Variants in DNAH8 observed in about 807,000 individuals in gnomAD.
DNAH8 encodes the protein axonemal beta dynein heavy chain 8.
A neutral mutation model predicts 562.1 loss-of-function variants in DNAH8; 382 were observed. The observed-to-expected ratio is 0.68, with a 90% CI of 0.63 to 0.74. DNAH8 has a LOEUF of 0.74. Ranked by LOEUF, DNAH8 falls within the 30% of genes least tolerant of loss-of-function variation. The pLI is 0.00. For synonymous variants in DNAH8, 1,881 were observed against 1,919.4 expected (o/e 0.98, Z 0.52); for missense variants, 5,203 against 5,620.4 (o/e 0.93, Z 2.37).
At chr6:39,029,945 C>T (rs1583597868) in intron 92 of DNAH8, among the ~76,000 whole-genome samples, 160 bp from the exon 93 acceptor site, 1 of 152,292 alleles carries the variant, frequency 6.6e-6, no homozygotes. Context: ...AAACTGGGCT[C>T]AGTATTTCAC....
At chr6:38,930,147 G>A (rs982355752) in intron 75 of DNAH8, among the ~76,000 whole-genome samples, 3 of 152,062 alleles carry the variant, frequency 2.0e-5, no homozygotes, top group African/African-American at 7.2e-5. Context: ...ATTTAATAAA[G>A]TCATTTTAAT....
At chr6:38,846,379 T>C (rs1315321933) in intron 36 of DNAH8, among the ~76,000 whole-genome samples, 2 of 152,172 alleles carry the variant, frequency 1.3e-5, no homozygotes, top group African/African-American at 4.8e-5. Flanking sequence ...GATTAAATAT[T>C]CTGTCAGGTC....
At position 38,822,975 on chromosome 6, in the gene DNAH8, C is replaced by T. The variant is rs760729826; in HGVS notation, c.3661C>T (p.Leu1221=). ...CCTAAGAAAGGCAGCTCATGAGGCC[C>T]TGCAGGACTTTCAGAAGTACAAGAC... ...NSLRKAAHEA[L]QDFQKYKTLW... The change falls in exon 27 of 93, where the codon CTG becomes TTG. Residue 1221 remains leucine, a synonymous_variant. Transcript: ENST00000327475. 6.2e-7 allele frequency: 1 copy of T among 1,612,528 alleles called. No individual in the cohort carries two copies. Among genetic ancestry groups the T allele is most frequent in the Non-Finnish European group, 8.5e-7 (1 of 1,179,500 alleles).
chr6:38,864,023 T>C lies in DNAH8; in HGVS notation c.6461T>C (p.Val2154Ala), dbSNP rs1455906180. The C allele has an allele frequency of 6.2e-7, 1 of 1,608,208 alleles. No individual in the cohort carries two copies. The highest frequency in any genetic ancestry group is 8.5e-7 in the Non-Finnish European group (1 of 1,178,806). The part of the protein sequence containing the change: ...KQFIFSDGDC[V>A]DLNPEFGIFL... The stretch of plus-strand genomic sequence containing the variant: ...TTCATTTTTTCTGATGGTGATTGTG[T>C]TGATTTAAATCCAGAATTTGGAATC... The change falls in exon 45 of 93, where the codon GTT (valine) becomes GCT (alanine). Residue 2154 changes from valine to alanine, a missense_variant. By Grantham distance (64) the Val-to-Ala change is moderately conservative (BLOSUM62 0). Transcript: ENST00000327475.
chr6:38,784,919 T>G (rs557671106), intron 17 of DNAH8, among the ~76,000 whole-genome samples: 1 of 152,312 alleles, frequency 6.6e-6, no homozygotes, highest in Non-Finnish European at 1.5e-5. Context: ...TCTTAAAATA[T>G]TTTAAAAATG....
chr6:38,984,227 C>T lies in DNAH8; in HGVS notation c.12973C>T (p.Arg4325Trp), dbSNP rs201329381. 3.6e-5 allele frequency: 57 copies of T among 1,596,426 alleles called. No individual in the cohort carries two copies. The highest frequency in any genetic ancestry group is 2.8e-4 in the Admixed American group (17 of 59,858). Residue 4325 changes from arginine (R) to tryptophan (W), a missense_variant, in exon 87 of 93, where the codon CGG becomes TGG. Arg to Trp is a moderately radical substitution (Grantham distance 101, BLOSUM62 -3). This residue lies in a region of DNAH8 where 1,399 missense variants were observed against 1,518.4 expected (regional missense o/e 0.92). Coordinates refer to ENST00000327475, the MANE Select transcript of DNAH8 (RefSeq NM_001206927.2). ...IKKGVSWNTV[R>W]YMIGEVQYGG... ...AAAGGGTGTATCATGGAATACGGTT[C>T]GGTACATGATCGGAGAAGTACAATA... is the stretch of plus-strand genomic sequence containing the variant.
At position 38,823,157 on chromosome 6, in the gene DNAH8, A is replaced by G; in HGVS notation, c.3720+123A>G. ...GAGCAGAGGCCAAGAATCTATAAAT[A>G]CCAAGCACCTGTCACCTTCTAGCTG... On this transcript the variant is annotated intron_variant, in intron 27 of 92. Transcript: ENST00000327475. 5 of 784,352 alleles carry G rather than the reference A, an allele frequency of 6.4e-6. No homozygotes were observed. In the South Asian group the frequency reaches 1.2e-4, roughly 20 times the overall value. 48.6% of individuals were successfully genotyped at this position (784,352 alleles called of 1,614,324 possible). A position where few individuals can be genotyped will look rare whatever the true frequency, so the allele number is the denominator to read the frequency against.
chr6:38,806,522 T>A (rs925645886), intron 23 of DNAH8, among the ~76,000 whole-genome samples: 1 of 152,114 alleles, frequency 6.6e-6, no homozygotes, highest in Non-Finnish European at 1.5e-5. Context: ...CTGGCTGAAG[T>A]CCTTAGAGCA....
At chr6:38,821,906 G>A (rs1239676867) in intron 26 of DNAH8, among the ~76,000 whole-genome samples, 5 of 152,170 alleles carry the variant, frequency 3.3e-5, no homozygotes, top group African/African-American at 1.2e-4. Flanking sequence ...TTTCAAGTTA[G>A]CCCTCATTAT....
chr6:38,787,393 T>G (rs569241742), intron 18 of DNAH8, among the ~76,000 whole-genome samples: 1 of 151,940 alleles, frequency 6.6e-6, no homozygotes, highest in South Asian at 2.1e-4. Flanking sequence ...TGCGGCAAAG[T>G]AAAATCTAAC....
At position 38,863,964 on chromosome 6, in the gene DNAH8, T is replaced by C; in HGVS notation, c.6402T>C (p.Ile2134=). The change falls in exon 45 of 93, where the codon ATT becomes ATC. Residue 2134 remains isoleucine, a synonymous_variant. Coordinates refer to ENST00000327475, the MANE Select transcript of DNAH8 (RefSeq NM_001206927.2). The stretch of plus-strand genomic sequence containing the variant: ...CAGTGGCAGCACAACAAATTTATAT[T>C]GTTTTGACAGCAAGAAAAGAAAGAA... ...VLSVAAQQIY[I]VLTARKERKK... is the part of the protein sequence containing the mutation. The C allele has an allele frequency of 3.7e-6, 6 of 1,613,018 alleles. No individual in the cohort carries two copies. Among genetic ancestry groups the C allele is most frequent in the Non-Finnish European group, 5.1e-6 (6 of 1,179,796 alleles).
intron 88 of DNAH8, among the ~76,000 whole-genome samples, chr6:39,004,507 G>C (rs35703191): frequency 0.13 from 20,232 of 152,114 alleles, 1,614 homozygotes; most frequent in East Asian, 0.35. Context: ...TTCTATTTTT[G>C]TATGAAAATG....
chr6:38,926,234 A>G (rs778660119), intron 74 of DNAH8, 24 bp downstream of exon 74: 2 of 1,603,290 alleles, frequency 1.2e-6, no homozygotes, highest in Non-Finnish European at 1.7e-6. Flanking sequence ...GGTGCAGGGG[A>G]AAGTAATCTT....
chr6:38,914,154 G>T (rs1303673809), intron 67 of DNAH8, among the ~76,000 whole-genome samples: 2 of 152,060 alleles, frequency 1.3e-5, no homozygotes, highest in Non-Finnish European at 2.9e-5. Context: ...CTTGGCCTAA[G>T]ACTATTATTT....
chr6:38,803,115 G>C, intron 21 of DNAH8, 64 bp from the exon 22 acceptor site: 1 of 1,142,856 alleles, frequency 8.8e-7, no homozygotes, highest in South Asian at 2.1e-5. Flanking sequence ...AAAGTCATAG[G>C]ACTAATTTTC....
chr6:38,879,514 G>A (rs1475424124), intron 53 of DNAH8, among the ~76,000 whole-genome samples: 1 of 152,164 alleles, frequency 6.6e-6, no homozygotes, highest in East Asian at 1.9e-4. Context: ...ATGAAGAAAA[G>A]CATTTGGCAA....
Position 38,775,886 on chromosome 6 carries a change from G to T in DNAH8, c.1897G>T (p.Asp633Tyr), listed in dbSNP as rs755976610. 3.7e-6 allele frequency: 6 copies of T among 1,613,012 alleles called. No individual in the cohort carries two copies. Among genetic ancestry groups the T allele is most frequent in the South Asian group, 1.1e-5 (1 of 91,048 alleles). Residue 633 changes from aspartate to tyrosine, a missense_variant, in exon 13 of 93, where the codon GAT becomes TAT. This residue lies in a region of DNAH8 where 2,176 missense variants were observed against 2,365.1 expected (regional missense o/e 0.92). Coordinates refer to ENST00000327475, the MANE Select transcript of DNAH8 (RefSeq NM_001206927.2). ...TAAGAAAAAGCAATATGACATTCTG[G>T]ATCCAAGAAGGACAGAATTTGACAC... ...GVKKKQYDIL[D>Y]PRRTEFDTDF...
chr6:38,847,258 C>T (rs570620270), intron 36 of DNAH8, among the ~76,000 whole-genome samples: 3 of 151,940 alleles, frequency 2.0e-5, no homozygotes, highest in African/African-American at 2.4e-5. Context: ...TAGCTATGCT[C>T]GATTTTATTT....
chr6:38,864,256 C>A (rs1047514039), intron 45 of DNAH8, among the ~76,000 whole-genome samples, 196 bp downstream of exon 45: 3 of 151,812 alleles, frequency 2.0e-5, no homozygotes, highest in African/African-American at 4.8e-5. Context: ...AAAAAAAATT[C>A]AGATCCAGAC....
Sources: gnomAD v4.1 joint callset for allele counts (sites outside exome capture counted in the v4.1 genomes callset) on GRCh38, gnomAD v4.1.1 for gene constraint, gnomAD v4.1.1 regional missense constraint, MANE v1.5 for transcripts, NCBI Gene and HGNC (gene_info 2026-07-23, HGNC 2026-07-21) for gene names.